Variants in NALF1 observed in about 807,000 individuals in gnomAD.
The protein encoded by NALF1 is family with sequence similarity 155 member A.
In NALF1, 3 loss-of-function variants were observed where a neutral mutation model predicts 48.4. The observed-to-expected ratio is 0.06, with a 90% CI of 0.03 to 0.16. The LOEUF is 0.16. NALF1 is among the 10% of genes least tolerant of loss of function. The probability of loss-of-function intolerance (pLI) is 1.00; values close to 1 mark genes in which losing one functional copy is unlikely to be tolerated. For synonymous variants in NALF1, 262 were observed against 245.7 expected (o/e 1.07, Z -0.62); for missense variants, 526 against 571.5 (o/e 0.92, Z 0.81).
chr13:107,717,278 A>C (rs890188901), intron 1 of NALF1, among the ~76,000 whole-genome samples: 1 of 152,214 alleles, frequency 6.6e-6, no homozygotes, highest in African/African-American at 2.4e-5. Context: ...ATAGGTTTTT[A>C]ATCTACGAGT....
chr13:107,546,062 C>T (rs1200079074), intron 1 of NALF1, among the ~76,000 whole-genome samples: 1 of 152,174 alleles, frequency 6.6e-6, no homozygotes, highest in Middle Eastern at 3.4e-3. Context: ...TCCCCAGGGT[C>T]CTCGGCAGAT....
intron 1 of NALF1, among the ~76,000 whole-genome samples, chr13:107,428,350 T>G (rs1271660009): frequency 6.6e-6 from 1 of 152,210 alleles, no homozygotes; most frequent in Non-Finnish European, 1.5e-5. Context: ...CTGGAAGACT[T>G]GCAATCTAGA....
intron 1 of NALF1, among the ~76,000 whole-genome samples, chr13:107,249,886 A>G (rs143066614): frequency 6.6e-6 from 1 of 152,290 alleles, no homozygotes; most frequent in Non-Finnish European, 1.5e-5. Flanking sequence ...CCAGGCTTTA[A>G]GGGACACGCA....
At chr13:107,687,435 C>T (rs1341612) in intron 1 of NALF1, among the ~76,000 whole-genome samples, 130,531 of 150,090 alleles carry the variant, frequency 0.87, 57,287 homozygotes, top group Middle Eastern at 0.94. Flanking sequence ...GTAGCAAACC[C>T]GCATATGTAA....
At chr13:107,552,665 T>C (rs1877329109) in intron 1 of NALF1, among the ~76,000 whole-genome samples, 2 of 152,164 alleles carry the variant, frequency 1.3e-5, no homozygotes, top group Non-Finnish European at 2.9e-5. Flanking sequence ...CTGTTTGATA[T>C]TCAAGGCACT....
chr13:107,808,237 G>C (rs1472960064), intron 1 of NALF1, among the ~76,000 whole-genome samples: 2 of 152,040 alleles, frequency 1.3e-5, no homozygotes, highest in African/African-American at 4.8e-5. Flanking sequence ...TGGCAGCCTT[G>C]TTATCAGGCA....
chr13:107,252,258 T>C (rs563918788), intron 1 of NALF1, among the ~76,000 whole-genome samples: 1 of 152,230 alleles, frequency 6.6e-6, no homozygotes, highest in South Asian at 2.1e-4. Context: ...CTATGAGCTG[T>C]TGGCAAAGAG....
At chr13:107,217,461 G>A (rs1307864151) in intron 1 of NALF1, among the ~76,000 whole-genome samples, 1 of 152,096 alleles carries the variant, frequency 6.6e-6, no homozygotes, top group Non-Finnish European at 1.5e-5. Flanking sequence ...TTCTTTCTGG[G>A]CAACCGTCCA....
chr13:107,723,785 G>A (rs549494288), intron 1 of NALF1, among the ~76,000 whole-genome samples: 81 of 152,270 alleles, frequency 5.3e-4, no homozygotes, highest in Middle Eastern at 3.4e-3. Flanking sequence ...GATAAATCAC[G>A]GAGTGAAACT....
chr13:107,756,696 C>T (rs1594246758), intron 1 of NALF1, among the ~76,000 whole-genome samples: 1 of 152,054 alleles, frequency 6.6e-6, no homozygotes, highest in African/African-American at 2.4e-5. Context: ...TTCCTAAGCA[C>T]GTCATGGGTC....
chr13:107,351,249 C>T (rs1882866592), intron 1 of NALF1, among the ~76,000 whole-genome samples: 1 of 126,404 alleles, frequency 7.9e-6, no homozygotes, highest in Non-Finnish European at 1.7e-5. Flanking sequence ...GTTAAGTGTT[C>T]TTACCGCAAT....
intron 1 of NALF1, among the ~76,000 whole-genome samples, chr13:107,323,686 G>T (rs1363034940): frequency 6.6e-6 from 1 of 152,098 alleles, no homozygotes. Context: ...CAGTCGACCT[G>T]CAATAAACAT....
At chr13:107,559,574 G>A (rs1451260356) in intron 1 of NALF1, among the ~76,000 whole-genome samples, 1 of 152,172 alleles carries the variant, frequency 6.6e-6, no homozygotes, top group Non-Finnish European at 1.5e-5. Context: ...TGTATACGGT[G>A]TCCCTGTGCA....
intron 1 of NALF1, among the ~76,000 whole-genome samples, chr13:107,646,367 G>A (rs1011346971): frequency 2.0e-5 from 3 of 150,678 alleles, no homozygotes; most frequent in East Asian, 3.9e-4. Context: ...AATAACAGTA[G>A]TATCTTCCAA....
rs544439621 is a variant in NALF1, at chr13:107,528,396, C to A, written c.916-317641G>T. 2.0e-5 allele frequency among the ~76,000 whole-genome samples: 3 copies of A among 152,196 alleles called. 1 individual carries two copies. In the South Asian group the frequency reaches 6.2e-4, roughly 32 times the overall value. On this transcript the variant is annotated intron_variant, in intron 1 of 2. Coordinates refer to ENST00000375915, the MANE Select transcript of NALF1 (RefSeq NM_001080396.3). The stretch of plus-strand genomic sequence containing the variant: ...TGTGTGACATATCAGTTACTTGTAA[C>A]CTTTAATGGATTCATACGTTCTTTT...
chr13:107,271,684 C>A (rs1378947501), intron 1 of NALF1, among the ~76,000 whole-genome samples: 1 of 150,436 alleles, frequency 6.6e-6, no homozygotes, highest in Non-Finnish European at 1.5e-5. Flanking sequence ...TCAAGATGGT[C>A]TAATACAAAT....
intron 1 of NALF1, among the ~76,000 whole-genome samples, chr13:107,244,453 A>G (rs1165182243): frequency 6.6e-6 from 1 of 152,252 alleles, no homozygotes; most frequent in Non-Finnish European, 1.5e-5. Flanking sequence ...CGTCTGAAAG[A>G]CAAGATGAAT....
At chr13:107,679,672 G>T (rs1389482300) in intron 1 of NALF1, among the ~76,000 whole-genome samples, 4 of 152,134 alleles carry the variant, frequency 2.6e-5, no homozygotes, top group Non-Finnish European at 5.9e-5. Flanking sequence ...CATCCAGGAG[G>T]TCCTCAGCTC....
At chr13:107,472,775 G>T (rs1461510577) in intron 1 of NALF1, among the ~76,000 whole-genome samples, 1 of 152,086 alleles carries the variant, frequency 6.6e-6, no homozygotes. Flanking sequence ...TTTTGGGACT[G>T]GGACTGGCTT....
Sources: allele counts gnomAD v4.1 joint callset (sites outside exome capture counted in the v4.1 genomes callset), GRCh38; gene constraint gnomAD v4.1.1; transcripts MANE v1.5; gene names NCBI Gene and HGNC (gene_info 2026-07-23, HGNC 2026-07-21).